The following GSN variants were observed in gnomAD, a reference collection of about 807,000 sequenced individuals.
GSN encodes the protein gelsolin, also known as actin-depolymerizing factor.
GSN carries 56 observed loss-of-function variants against 85.7 expected under a neutral mutation model. The ratio of observed to expected loss-of-function variants is 0.65; its 90% CI spans 0.53 to 0.82. The LOEUF (loss-of-function observed/expected upper bound fraction) is 0.82, where lower values mean the gene tolerates loss of function less well. Ranked by LOEUF, GSN falls within the 40% of genes least tolerant of loss-of-function variation. The probability of loss-of-function intolerance (pLI) is 0.00; values close to 1 mark genes in which losing one functional copy is unlikely to be tolerated. For missense variants in GSN, 857 were observed against 979.8 expected, an observed-to-expected ratio of 0.87 and a Z score of 1.67; for synonymous variants, 373 against 399.1, an observed-to-expected ratio of 0.93 and a Z score of 0.78.
In GSN at chr9:121,328,930, G is replaced by A. The variant is rs894352373; in HGVS notation, c.1802G>A (p.Arg601His). 4.2e-5 allele frequency: 68 copies of A among 1,613,312 alleles called. No individual in the cohort carries two copies. The highest frequency in any genetic ancestry group is 5.3e-5 in the Non-Finnish European group (62 of 1,179,968). ...WEALGGKAAY[R>H]TSPRLKDKKM... The stretch of plus-strand genomic sequence containing the variant: ...GCCCTGGGCGGGAAGGCTGCCTACC[G>A]CACATCCCCACGGCTGAAGGACAAG... The change falls in exon 15 of 18, where the codon CGC becomes CAC. Residue 601 changes from arginine to histidine, a missense_variant. Arg to His is a conservative substitution (Grantham distance 29). Transcript: ENST00000432226.
At chr9:121,278,550 C>A (rs1238751351) in intron 1 of GSN, among the ~76,000 whole-genome samples, 1 of 152,204 alleles carries the variant, frequency 6.6e-6, no homozygotes. Flanking sequence ...GAGCTCTCTC[C>A]CCAAAGACTG....
chr9:121,329,152 C>T lies in GSN; in HGVS notation c.1888-86C>T. The T allele has an allele frequency of 2.1e-6, 3 of 1,458,210 alleles. No homozygotes were observed. The highest frequency in any genetic ancestry group is 2.9e-6 in the Non-Finnish European group (3 of 1,041,842). 90.3% of individuals were successfully genotyped at this position (1,458,210 alleles called of 1,614,324 possible). A position where few individuals can be genotyped will look rare whatever the true frequency, so the allele number is the denominator to read the frequency against. On this transcript the variant is annotated intron_variant, in intron 15 of 17. Coordinates refer to ENST00000432226, the MANE Select transcript of GSN (RefSeq NM_198252.3). The surrounding 1 kb of genome is among the most constrained non-coding windows in gnomAD (Gnocchi z 4.6). The stretch of plus-strand genomic sequence containing the variant: ...GGGGCCCCCTGCCAGCTGCAGCCAG[C>T]TGTGCCACTCCCTCAGGGGGCAGAT...
chr9:121,254,837 T>A (rs924498652), intron 6 of GSN, among the ~76,000 whole-genome samples: 18 of 152,368 alleles, frequency 1.2e-4, no homozygotes, highest in African/African-American at 4.3e-4. Context: ...GCCTGCCAGC[T>A]ACCTAGTATT....
intron 2 of GSN, chr9:121,284,219 A>C (rs1359796018): frequency 1.8e-5 from 3 of 167,044 alleles, no homozygotes; most frequent in Admixed American, 6.5e-5. Context: ...AGAACCCTTG[A>C]AAGGGACAGA....
At chr9:121,238,457 T>G (rs559105669) in intron 5 of GSN, among the ~76,000 whole-genome samples, 7 of 152,344 alleles carry the variant, frequency 4.6e-5, no homozygotes, top group African/African-American at 1.7e-4. Context: ...TTGGGACTCT[T>G]GGTCCTTCGA....
chr9:121,267,066 T>TG (rs1016335044), upstream of GSN, among the ~76,000 whole-genome samples: 25 of 152,186 alleles, frequency 1.6e-4, no homozygotes, highest in Admixed American at 1.4e-3. Context: ...TGGCTGAACA[T>TG]GGGGCTGCTG....
Position 121,318,575 on chromosome 9 carries a change from C to A in GSN, c.975+81C>A. 1 of 1,449,624 alleles carries A rather than the reference C, an allele frequency of 6.9e-7. No homozygotes were observed. 89.8% of individuals were successfully genotyped at this position (1,449,624 alleles called of 1,614,324 possible). On this transcript the variant is annotated intron_variant, in intron 9 of 17. Transcript: ENST00000432226. This position sits in a 1 kb window ranked among gnomAD's most constrained non-coding sequence, Gnocchi z 4.3. ...GGGCTGGAGTAGGGCGGGTGTCCCA[C>A]CCTCAGTGTGGATGGGGTATCTGAG...
At chr9:121,316,456 C>A (rs1221947712) in intron 7 of GSN, among the ~76,000 whole-genome samples, 1 of 152,014 alleles carries the variant, frequency 6.6e-6, no homozygotes, top group African/African-American at 2.4e-5. Context: ...TTTTCTTTTT[C>A]TTTTCTTCTC....
At chr9:121,325,619 AG>A (rs1170204650) in intron 12 of GSN, among the ~76,000 whole-genome samples, 6 of 152,174 alleles carry the variant, frequency 3.9e-5, no homozygotes, top group Non-Finnish European at 8.8e-5. Flanking sequence ...GTGGAAATAT[AG>A]GGGAAGCGGA....
chr9:121,213,136 G>C (rs1393369124), intron 4 of GSN, among the ~76,000 whole-genome samples: 1 of 152,146 alleles, frequency 6.6e-6, no homozygotes, highest in Admixed American at 6.5e-5. Context: ...TTCACTGCTC[G>C]ATACCCGGCC....
intron 5 of GSN, among the ~76,000 whole-genome samples, chr9:121,232,997 T>G (rs1012177971): frequency 6.6e-6 from 1 of 152,194 alleles, no homozygotes; most frequent in African/African-American, 2.4e-5. Flanking sequence ...TCCCTATCAC[T>G]TCTCTGTTGA....
chr9:121,273,588 G>A (rs191903437), intron 1 of GSN, among the ~76,000 whole-genome samples: 3 of 152,100 alleles, frequency 2.0e-5, no homozygotes, highest in African/African-American at 7.2e-5. Context: ...ACACCTGGGT[G>A]CCCTTCCTTC....
At chr9:121,293,201 C>T (rs1043895205) in intron 2 of GSN, among the ~76,000 whole-genome samples, 6 of 152,172 alleles carry the variant, frequency 3.9e-5, no homozygotes, top group Admixed American at 2.6e-4. Context: ...TGAATCTGAT[C>T]CCTAGGCAGG....
chr9:121,211,342 A>G (rs1208225447), intron 4 of GSN, among the ~76,000 whole-genome samples: 1 of 152,240 alleles, frequency 6.6e-6, no homozygotes, highest in African/African-American at 2.4e-5. Context: ...ATATTTTACC[A>G]CATAAAAAAG....
chr9:121,230,063 A>G (rs1432813102), intron 4 of GSN, among the ~76,000 whole-genome samples: 1 of 152,186 alleles, frequency 6.6e-6, no homozygotes, highest in African/African-American at 2.4e-5. Context: ...GTGTGTAGAA[A>G]TCCTTTCTGA....
chr9:121,249,858 G>C (rs2054780200), intron 6 of GSN, among the ~76,000 whole-genome samples: 1 of 152,178 alleles, frequency 6.6e-6, no homozygotes. Context: ...CTGCTTTCTT[G>C]AAAGAAATGG....
chr9:121,332,824 A>G lies in GSN; in HGVS notation c.*221A>G, dbSNP rs746309321. 5.8e-5 allele frequency: 33 copies of G among 572,438 alleles called. No homozygotes were observed. Among genetic ancestry groups the G allele is most frequent in the Non-Finnish European group, 9.6e-5 (31 of 321,694 alleles). 35.5% of individuals were successfully genotyped at this position (572,438 alleles called of 1,614,324 possible). Reference sequence around the variant, plus strand: ...CAGTGTTTGGGAAATTAAATCCAATAAAAACATTTTGAAGTGTGTACTCTA... The same window carrying G: ...CAGTGTTTGGGAAATTAAATCCAATGAAAACATTTTGAAGTGTGTACTCTA... On this transcript the variant is annotated 3_prime_UTR_variant, in exon 18 of 18. Transcript: ENST00000432226. The surrounding 1 kb of genome is among the most constrained non-coding windows in gnomAD (Gnocchi z 4.8).
intron 7 of GSN, among the ~76,000 whole-genome samples, chr9:121,315,193 T>G (rs370304860): frequency 3.3e-5 from 5 of 152,334 alleles, no homozygotes; most frequent in African/African-American, 1.2e-4. Flanking sequence ...TCCAAACTAT[T>G]CATGCTGTTG....
intron 4 of GSN, among the ~76,000 whole-genome samples, chr9:121,228,511 G>A (rs2054323406): frequency 1.5e-5 from 2 of 137,340 alleles, no homozygotes; most frequent in Admixed American, 1.7e-4. Flanking sequence ...TTGGCTCACT[G>A]CAACCTCTGC....
Sources: gnomAD v4.1 joint callset for allele counts (sites outside exome capture counted in the v4.1 genomes callset) on GRCh38, gnomAD v4.1.1 for gene constraint, Gnocchi (gnomAD v3.1) non-coding constraint, MANE v1.5 for transcripts, NCBI Gene and HGNC (gene_info 2026-07-23, HGNC 2026-07-21) for gene names.